Variants in C3orf33 observed in about 807,000 individuals in gnomAD.
C3orf33 encodes AP-1 activity suppressor.
A neutral mutation model predicts 28.7 loss-of-function variants in C3orf33; 23 were observed. That is an observed-to-expected ratio of 0.80 (90% CI 0.58 to 1.13). The LOEUF (loss-of-function observed/expected upper bound fraction) is 1.13, where lower values mean the gene tolerates loss of function less well. Among genes scored for constraint, C3orf33 ranks in the 50% most tolerant of loss-of-function variants. The pLI, the probability that C3orf33 is intolerant of heterozygous loss-of-function variation, is 0.00. For synonymous variants in C3orf33, 119 were observed against 120.5 expected (o/e 0.99, Z 0.08); for missense variants, 327 against 353.4 (o/e 0.93, Z 0.60).
intron 3 of C3orf33, among the ~76,000 whole-genome samples, chr3:155,769,726 C>A (rs1750524329): frequency 6.6e-6 from 1 of 152,160 alleles, no homozygotes; most frequent in African/African-American, 2.4e-5. Context: ...ATGCTGATAG[C>A]AGCAGGAGGC....
At chr3:155,790,235 A>T (rs993597046) in intron 2 of C3orf33, among the ~76,000 whole-genome samples, 10 of 151,370 alleles carry the variant, frequency 6.6e-5, no homozygotes, top group African/African-American at 2.2e-4. Flanking sequence ...AAGAAAAAAA[A>T]AAAAAAGGTC....
chr3:155,805,990 G>A (rs1751797047), intron 1 of C3orf33, 149 bp downstream of exon 1: 1 of 535,140 alleles, frequency 1.9e-6, no homozygotes, highest in African/African-American at 2.0e-5. Flanking sequence ...CACGACACTC[G>A]CGATGTCGCC....
intron 2 of C3orf33, 106 bp from the exon 3 acceptor site, chr3:155,775,954 C>T: frequency 1.3e-6 from 1 of 796,236 alleles, no homozygotes; most frequent in South Asian, 1.9e-5. Context: ...TAACCATGAA[C>T]ATTTTAAAAT....
chr3:155,806,227 C>A lies in C3orf33; in HGVS notation c.26G>T (p.Gly9Val). MAGQPAAT[G>V]SPSADKDGME... Reference sequence around the variant, plus strand: ...TCCGTCCTTGTCGGCAGACGGCGAGCCGGTGGCCGCGGGCTGCCCCGCCAT... The same window carrying A: ...TCCGTCCTTGTCGGCAGACGGCGAGACGGTGGCCGCGGGCTGCCCCGCCAT... Residue 9 changes from glycine (G) to valine (V), a missense_variant, in exon 1 of 5, where the codon GGC (glycine) becomes GTC (valine). Transcript: ENST00000340171. The A allele has an allele frequency of 2.0e-6, 3 of 1,479,626 alleles. No individual in the cohort carries two copies. The highest frequency in any genetic ancestry group is 2.7e-5 in the East Asian group (1 of 37,266). 91.7% of individuals were successfully genotyped at this position (1,479,626 alleles called of 1,614,324 possible).
chr3:155,798,870 A>G (rs1751558782), intron 2 of C3orf33, among the ~76,000 whole-genome samples: 2 of 152,328 alleles, frequency 1.3e-5, no homozygotes, highest in South Asian at 2.1e-4. Flanking sequence ...CAAACCATCC[A>G]TCTGACAAGG....
rs74565366 is a variant in C3orf33, at chr3:155,782,256, A to G, written c.175-6408T>C. Among the ~76,000 whole-genome samples the G allele has an allele frequency of 3.3e-5, 5 of 152,002 alleles. No individual in the cohort carries two copies. The East Asian group carries it at 9.6e-4, about 29-fold the overall frequency. On this transcript the variant is annotated intron_variant, in intron 2 of 4. Coordinates refer to ENST00000340171, the MANE Select transcript of C3orf33 (RefSeq NM_001308229.2). ...AAAGGGAACAGGGCCTAAGGAATCT[A>G]TGGAACACCATTAAATGAACCAACA... is the stretch of plus-strand genomic sequence containing the variant.
chr3:155,789,868 A>T (rs577278134), intron 2 of C3orf33, among the ~76,000 whole-genome samples: 1 of 152,320 alleles, frequency 6.6e-6, no homozygotes, highest in East Asian at 1.9e-4. Context: ...TGGGGAAAAG[A>T]CAGGCTTTTC....
At chr3:155,802,355 C>T (rs1168798459) in intron 2 of C3orf33, among the ~76,000 whole-genome samples, 177 bp downstream of exon 2, 6 of 152,080 alleles carry the variant, frequency 3.9e-5, no homozygotes, top group Admixed American at 3.3e-4. Context: ...TCTGTAAAAT[C>T]CTGTGGATGT....
intron 2 of C3orf33, among the ~76,000 whole-genome samples, chr3:155,792,130 C>CAG (rs1577432676): frequency 1.3e-5 from 2 of 152,148 alleles, no homozygotes; most frequent in African/African-American, 4.8e-5. Context: ...TTGACACAGA[C>CAG]AGAGAGACTC....
chr3:155,804,129 T>C, intron 1 of C3orf33: 2 of 387,788 alleles, frequency 5.2e-6, no homozygotes, highest in Non-Finnish European at 1.0e-5. Context: ...TGAGCCGAGA[T>C]CACACCATTG....
intron 1 of C3orf33, chr3:155,804,008 T>C (rs1210470977): frequency 4.3e-6 from 1 of 232,224 alleles, no homozygotes; most frequent in Non-Finnish European, 8.7e-6. Flanking sequence ...AAACCCCATC[T>C]CTACTAAAAA....
intron 3 of C3orf33, among the ~76,000 whole-genome samples, chr3:155,768,041 A>G (rs2109250876): frequency 6.6e-6 from 1 of 152,126 alleles, no homozygotes; most frequent in Non-Finnish European, 1.5e-5. Context: ...CACCATGCCC[A>G]GCTGATTGTT....
intron 2 of C3orf33, among the ~76,000 whole-genome samples, chr3:155,780,888 C>T (rs958447652): frequency 3.9e-5 from 6 of 152,090 alleles, no homozygotes; most frequent in African/African-American, 1.4e-4. Flanking sequence ...TTTGGAGCTA[C>T]AAAAGGCATC....
intron 2 of C3orf33, among the ~76,000 whole-genome samples, chr3:155,788,051 C>T (rs1263853576): frequency 6.6e-6 from 1 of 151,672 alleles, no homozygotes; most frequent in Non-Finnish European, 1.5e-5. Context: ...ATTAGCCGGG[C>T]GTGGTGGCGG....
intron 2 of C3orf33, among the ~76,000 whole-genome samples, chr3:155,795,448 T>G (rs1444454195): frequency 6.6e-6 from 1 of 151,752 alleles, no homozygotes; most frequent in Non-Finnish European, 1.5e-5. Context: ...AGAGCAAGAC[T>G]TCATCTCAAA....
intron 1 of C3orf33, 99 bp downstream of exon 1, chr3:155,806,040 G>T: frequency 1.3e-6 from 1 of 797,138 alleles, no homozygotes; most frequent in Admixed American, 3.7e-5. Flanking sequence ...GTCGCTCCCC[G>T]GCCCCGGCGG....
intron 1 of C3orf33, among the ~76,000 whole-genome samples, 174 bp from the exon 2 acceptor site, chr3:155,802,765 T>C (rs1007023267): frequency 6.6e-6 from 1 of 152,188 alleles, no homozygotes; most frequent in Non-Finnish European, 1.5e-5. Context: ...TCGTTCATTA[T>C]GATGAATTCT....
chr3:155,779,934 A>C (rs1288819844), intron 2 of C3orf33, among the ~76,000 whole-genome samples: 1 of 152,218 alleles, frequency 6.6e-6, no homozygotes, highest in African/African-American at 2.4e-5. Flanking sequence ...TGTGAGAAAG[A>C]TTCCATTGCA....
chr3:155,802,648 G>T, intron 1 of C3orf33, 57 bp from the exon 2 acceptor site: 1 of 1,294,424 alleles, frequency 7.7e-7, no homozygotes. Flanking sequence ...AATAATGAAA[G>T]CACTAATTAG....
Sources: allele counts gnomAD v4.1 joint callset (sites outside exome capture counted in the v4.1 genomes callset), GRCh38; gene constraint gnomAD v4.1.1; transcripts MANE v1.5; gene names NCBI Gene and HGNC (gene_info 2026-07-23, HGNC 2026-07-21).